ZNF536: variants seen among roughly 807,000 people sequenced by gnomAD.
The protein encoded by ZNF536 is zinc finger protein 536.
A neutral mutation model predicts 84.5 loss-of-function variants in ZNF536; 13 were observed. The ratio of observed to expected loss-of-function variants is 0.15; its 90% CI spans 0.10 to 0.24. The LOEUF (loss-of-function observed/expected upper bound fraction) is 0.24, where lower values mean the gene tolerates loss of function less well. ZNF536 is among the 10% of genes least tolerant of loss of function. The pLI is 1.00. For missense variants in ZNF536, 1,536 were observed against 1,747.5 expected (o/e 0.88, Z 2.16); for synonymous variants, 811 against 742.5 (o/e 1.09, Z -1.50).
chr19:30,617,150 G>A lies in ZNF536; in HGVS notation c.169+67636G>A, dbSNP rs181759478. Among the ~76,000 whole-genome samples, 602 of 148,520 alleles carry A rather than the reference G, an allele frequency of 4.1e-3. 4 individuals carry two copies. The highest frequency in any genetic ancestry group is 0.014 in the African/African-American group (569 of 40,440). On this transcript the variant is annotated intron_variant, in intron 1 of 1. Coordinates refer to the ZNF536 transcript ENST00000592773. ...ATTTTTATTTTTTTTTTATTTCCAT[G>A]GGTTTTTGGGGAACAGGTGGTATTT...
chr19:30,392,602 AT>A (rs989724545), intron 1 of ZNF536, among the ~76,000 whole-genome samples: 166 of 152,078 alleles, frequency 1.1e-3, no homozygotes, highest in African/African-American at 3.8e-3. Context: ...TGTGATTTCC[AT>A]TTTTTCTAGG....
chr19:30,509,025 G>A (rs1804447184), intron 2 of ZNF536, among the ~76,000 whole-genome samples: 1 of 150,186 alleles, frequency 6.7e-6, no homozygotes, highest in Admixed American at 6.6e-5. Flanking sequence ...TGTTGAGATG[G>A]GGTCTCATTG....
chr19:30,584,317 A>C (rs1407205988), intron 1 of ZNF536, among the ~76,000 whole-genome samples: 1 of 152,126 alleles, frequency 6.6e-6, no homozygotes, highest in Admixed American at 6.5e-5. Flanking sequence ...CTGTCGTGTT[A>C]TTTACACTTT....
chr19:30,469,752 C>G (rs1568462739), intron 2 of ZNF536, among the ~76,000 whole-genome samples: 2 of 152,118 alleles, frequency 1.3e-5, no homozygotes, highest in Non-Finnish European at 2.9e-5. Context: ...CTGCCTATGT[C>G]CATCATGGGT....
intron 2 of ZNF536, among the ~76,000 whole-genome samples, chr19:30,519,417 T>C (rs2044226811): frequency 6.6e-6 from 1 of 152,200 alleles, no homozygotes; most frequent in Non-Finnish European, 1.5e-5. Flanking sequence ...TCCACGGGGT[T>C]GTGCTCTGGC....
chr19:30,261,449 C>T (rs2025216569), intron 1 of ZNF536, among the ~76,000 whole-genome samples: 1 of 151,498 alleles, frequency 6.6e-6, no homozygotes, highest in Admixed American at 6.6e-5. Flanking sequence ...TGCTATGGCT[C>T]AGCTCTTTGG....
chr19:30,309,373 A>C (rs981048650), intron 2 of ZNF536, among the ~76,000 whole-genome samples: 9 of 152,204 alleles, frequency 5.9e-5, no homozygotes, highest in Non-Finnish European at 1.3e-4. Flanking sequence ...TGATTTTGTT[A>C]GTATGTAGGT....
intron 2 of ZNF536, among the ~76,000 whole-genome samples, chr19:30,514,330 C>A (rs1424501574): frequency 1.3e-5 from 2 of 152,120 alleles, no homozygotes; most frequent in Non-Finnish European, 2.9e-5. Flanking sequence ...TCCCCTTAAT[C>A]TCGTTGATGT....
chr19:30,609,033 G>A (rs183149110), intron 1 of ZNF536, among the ~76,000 whole-genome samples: 2 of 152,330 alleles, frequency 1.3e-5, no homozygotes, highest in East Asian at 1.9e-4. Context: ...CTACAACATG[G>A]TAACTGCTTG....
chr19:30,574,771 T>C (rs939429710), intron 1 of ZNF536, among the ~76,000 whole-genome samples: 1 of 152,372 alleles, frequency 6.6e-6, no homozygotes, highest in Middle Eastern at 3.4e-3. Context: ...TCTATCTGTT[T>C]GTATACTATA....
At chr19:30,456,308 CTTTT>C (rs11301441) in intron 2 of ZNF536, among the ~76,000 whole-genome samples, 7 of 108,086 alleles carry the variant, frequency 6.5e-5, no homozygotes, top group Admixed American at 2.0e-4. Flanking sequence ...TGTTTCTTTT[CTTTT>C]TTTTTTTTTT....
intron 1 of ZNF536, among the ~76,000 whole-genome samples, chr19:30,593,324 G>A (rs2047338528): frequency 6.6e-6 from 1 of 152,158 alleles, no homozygotes; most frequent in Non-Finnish European, 1.5e-5. Context: ...TCATGAGGCT[G>A]ACTTCAGGGT....
intron 1 of ZNF536, among the ~76,000 whole-genome samples, chr19:30,399,481 G>A (rs1568391286): frequency 6.6e-6 from 1 of 152,008 alleles, no homozygotes; most frequent in Non-Finnish European, 1.5e-5. Flanking sequence ...TAGACATGAA[G>A]TCTTTGCCCA....
intron 1 of ZNF536, among the ~76,000 whole-genome samples, chr19:30,412,700 C>T (rs779402173): frequency 6.6e-6 from 1 of 151,664 alleles, no homozygotes; most frequent in Non-Finnish European, 1.5e-5. Flanking sequence ...CTCCTCCCTC[C>T]CTTCTTTCTT....
At chr19:30,673,971 TG>T (rs1257002526) in intron 1 of ZNF536, among the ~76,000 whole-genome samples, 3 of 152,180 alleles carry the variant, frequency 2.0e-5, no homozygotes, top group Admixed American at 6.5e-5. Context: ...TCTCCGCACT[TG>T]GGTTCCATCA....
intron 2 of ZNF536, among the ~76,000 whole-genome samples, chr19:30,306,190 ATTTTTTTTT>A (rs201822113): frequency 1.5e-5 from 2 of 132,916 alleles, no homozygotes; most frequent in African/African-American, 5.9e-5. Context: ...CCTGGAGAGA[ATTTTTTTTT>A]TTTTTTTTTT....
At chr19:30,386,122 C>T (rs12460462) in intron 1 of ZNF536, among the ~76,000 whole-genome samples, 74,686 of 152,072 alleles carry the variant, frequency 0.49, 21,374 homozygotes, top group Non-Finnish European at 0.63. Context: ...GCAACATCCT[C>T]CCATCCCTCA....
chr19:30,497,315 C>G (rs2054762746), intron 2 of ZNF536, among the ~76,000 whole-genome samples: 1 of 152,176 alleles, frequency 6.6e-6, no homozygotes. Flanking sequence ...CATGCACAAG[C>G]CACCTATAGG....
upstream of ZNF536, among the ~76,000 whole-genome samples, chr19:30,226,850 T>TC (rs1388342592): frequency 1.3e-5 from 2 of 151,370 alleles, no homozygotes; most frequent in East Asian, 1.9e-4. The surrounding 1 kb of genome is among the most constrained non-coding windows in gnomAD (Gnocchi z 4.6). Context: ...ACGCCTCCCG[T>TC]CCCCCCAGCG....
Sources: gnomAD v4.1 joint callset for allele counts (sites outside exome capture counted in the v4.1 genomes callset) on GRCh38, gnomAD v4.1.1 for gene constraint, Gnocchi (gnomAD v3.1) non-coding constraint, MANE v1.5 for transcripts, NCBI Gene and HGNC (gene_info 2026-07-23, HGNC 2026-07-21) for gene names.